The following ANAPC5 variants were observed in gnomAD, a reference collection of about 807,000 sequenced individuals.
The protein encoded by ANAPC5 is anaphase promoting complex subunit 5.
ANAPC5 carries 60 observed loss-of-function variants against 91.3 expected under a neutral mutation model. The ratio of observed to expected loss-of-function variants is 0.66; its 90% CI spans 0.53 to 0.81. The LOEUF is 0.81. Ranked by LOEUF, ANAPC5 falls within the 40% of genes least tolerant of loss-of-function variation. The pLI, the probability that ANAPC5 is intolerant of heterozygous loss-of-function variation, is 0.00. For synonymous variants in ANAPC5, 340 were observed against 364.1 expected (o/e 0.93, Z 0.75); for missense variants, 690 against 931.5 (o/e 0.74, Z 3.37).
intron 1 of ANAPC5, among the ~76,000 whole-genome samples, chr12:121,349,063 G>A (rs567901250): frequency 7.2e-5 from 11 of 152,176 alleles, no homozygotes; most frequent in South Asian, 6.2e-4. Context: ...TCAGGAGTTC[G>A]AGACCAGCCT....
At chr12:121,351,107 C>T (rs1192171363) in intron 1 of ANAPC5, 2 of 450,972 alleles carry the variant, frequency 4.4e-6, no homozygotes, top group Non-Finnish European at 8.9e-6. Context: ...CGCAGTGGCT[C>T]ACTCCTGTAA....
At chr12:121,349,148 C>T (rs1287951635) in intron 1 of ANAPC5, among the ~76,000 whole-genome samples, 2 of 152,170 alleles carry the variant, frequency 1.3e-5, no homozygotes, top group African/African-American at 2.4e-5. Flanking sequence ...ACGTTGGCCT[C>T]CCAAAGTCTA....
chr12:121,350,537 C>T (rs367701247), intron 1 of ANAPC5, among the ~76,000 whole-genome samples: 195 of 152,252 alleles, frequency 1.3e-3, no homozygotes, highest in East Asian at 0.013. Context: ...AAAAATTAGC[C>T]GGGCGTGGTG....
At chr12:121,327,809 A>C in intron 10 of ANAPC5, 1 of 157,612 alleles carries the variant, frequency 6.3e-6, no homozygotes, top group Non-Finnish European at 1.4e-5. Flanking sequence ...AGTACACAAT[A>C]AGATGAAAAT....
chr12:121,323,392 T>C lies in ANAPC5; in HGVS notation c.1441-2933A>G, dbSNP rs117963325. Among the ~76,000 whole-genome samples, 1,090 of 152,178 alleles carry C rather than the reference T, an allele frequency of 7.2e-3. 7 individuals carry two copies. The highest frequency in any genetic ancestry group is 0.012 in the Non-Finnish European group (810 of 67,996). On this transcript the variant is annotated intron_variant, in intron 11 of 16. Coordinates refer to ENST00000261819, the MANE Select transcript of ANAPC5 (RefSeq NM_016237.5). Reference sequence around the variant, plus strand: ...CAGGCTGGAGTGTAGTGGTGCAATCTCAGCTCATTGCAACCTCTACCTCCT... The same window carrying C: ...CAGGCTGGAGTGTAGTGGTGCAATCCCAGCTCATTGCAACCTCTACCTCCT...
At chr12:121,353,943 C>T (rs1903995226), upstream of ANAPC5, among the ~76,000 whole-genome samples, 1 of 151,252 alleles carries the variant, frequency 6.6e-6, no homozygotes, top group South Asian at 2.1e-4. Flanking sequence ...CTCAGCCTCA[C>T]GAGTAGTTGA....
At chr12:121,329,209 A>G (rs1349647520) in intron 9 of ANAPC5, 2 of 152,284 alleles carry the variant, frequency 1.3e-5, no homozygotes, top group East Asian at 1.9e-4. Context: ...GCTGGAGTGC[A>G]GTGCAGCAAT....
intron 1 of ANAPC5, chr12:121,350,977 AAC>A: frequency 8.0e-6 from 3 of 374,582 alleles, no homozygotes; most frequent in Non-Finnish European, 1.6e-5. Flanking sequence ...ACATGCTAGT[AAC>A]AGTTTCTACT....
At chr12:121,330,150 A>AT (rs1306391236) in intron 9 of ANAPC5, among the ~76,000 whole-genome samples, 76 of 150,256 alleles carry the variant, frequency 5.1e-4, no homozygotes, top group African/African-American at 1.6e-3. Context: ...TCTGTTGTTG[A>AT]TTTTTTTTTT....
intron 5 of ANAPC5, among the ~76,000 whole-genome samples, chr12:121,339,994 AG>A (rs1903385106): frequency 6.8e-6 from 1 of 147,218 alleles, no homozygotes; most frequent in African/African-American, 2.5e-5. Context: ...CTCCTGCCTC[AG>A]CCTCTGAAGT....
intron 3 of ANAPC5, chr12:121,346,315 G>T: frequency 3.6e-6 from 1 of 274,910 alleles, no homozygotes. Flanking sequence ...ATATTTATGT[G>T]TTTACTTTTA....
chr12:121,350,287 A>T (rs1555275151), intron 1 of ANAPC5, among the ~76,000 whole-genome samples: 1 of 152,170 alleles, frequency 6.6e-6, no homozygotes. Context: ...ATCTTTTAAG[A>T]TCCCATAATA....
At chr12:121,327,404 G>A (rs2136781705) in intron 10 of ANAPC5, 173 bp from the exon 11 acceptor site, 1 of 714,296 alleles carries the variant, frequency 1.4e-6, no homozygotes, top group African/African-American at 1.8e-5. Flanking sequence ...GATAAGAAAG[G>A]CAGAAAAGCA....
chr12:121,346,939 A>G lies in ANAPC5; in HGVS notation c.354T>C (p.Ser118=), dbSNP rs1231936983. ...MEQFFDDLSD[S]FSGTEPEVHK... ...GAACCTCTGGTTCAGTTCCAGAGAA[A>G]GAATCTGAAAGGTCATCAAAAAACT... is the stretch of plus-strand genomic sequence containing the variant. The change falls in exon 3 of 17, where the codon TCT becomes TCC. Residue 118 remains serine, a synonymous_variant. Transcript: ENST00000261819. 1.2e-6 allele frequency: 2 copies of G among 1,612,352 alleles called. No individual in the cohort carries two copies. The highest frequency in any genetic ancestry group is 1.1e-5 in the South Asian group (1 of 90,664).
At position 121,328,637 on chromosome 12, in the gene ANAPC5, G is replaced by T. The variant is rs943956957; in HGVS notation, c.1123-140C>A. 10 of 761,532 alleles carry T rather than the reference G, an allele frequency of 1.3e-5. No individual in the cohort carries two copies. The Admixed American group carries it at 2.2e-4, about 16-fold the overall frequency. The allele number at this position is 761,532 out of a possible 1,614,324, so 47.2% of individuals were successfully genotyped here. A position where few individuals can be genotyped will look rare whatever the true frequency, so the allele number is the denominator to read the frequency against. On this transcript the variant is annotated intron_variant, in intron 9 of 16. Transcript: ENST00000261819. ...TTTAAAAGGAAAGTACCTATAACCT[G>T]GCCTTAACCCTGAGCCATACGAGAT...
chr12:121,327,306 CT>C, intron 10 of ANAPC5, 75 bp from the exon 11 acceptor site: 1 of 1,570,880 alleles, frequency 6.4e-7, no homozygotes, highest in Non-Finnish European at 8.6e-7. Flanking sequence ...CGTCAGCTAT[CT>C]TGAGTGGAGG....
chr12:121,341,376 A>G (rs868955212), intron 5 of ANAPC5, among the ~76,000 whole-genome samples: 28 of 151,876 alleles, frequency 1.8e-4, no homozygotes, highest in African/African-American at 5.8e-4. Flanking sequence ...AGTCTGATGC[A>G]TAAGAATAGC....
rs371336108 is a variant in ANAPC5 at position 121,318,270 on chromosome 12, G to A, written c.1893+7C>T. The A allele has an allele frequency of 1.1e-4, 161 of 1,516,236 alleles. No individual in the cohort carries two copies. In the African/African-American group the frequency reaches 1.7e-3, roughly 16 times the overall value. 93.9% of individuals were successfully genotyped at this position (1,516,236 alleles called of 1,614,324 possible). A position where few individuals can be genotyped will look rare whatever the true frequency, so the allele number is the denominator to read the frequency against. ...AATATGTGCTATAAAAACAGAGATC[G>A]GCTTACCTGCGCAAAAGCCAAGTTC... is the stretch of plus-strand genomic sequence containing the variant. On this transcript the variant is annotated splice_region_variant and intron_variant, in intron 15 of 16. Transcript: ENST00000261819.
chr12:121,320,810 A>C lies in ANAPC5; in HGVS notation c.1441-351T>G, dbSNP rs187956876. ...AGTAGAGACGGGGTTTCACTGTGTT[A>C]GCCAGGATGGTCTCGATCTCCTGAC... On this transcript the variant is annotated intron_variant, in intron 11 of 16. Transcript: ENST00000261819. 1,434 of 165,692 alleles carry C rather than the reference A, an allele frequency of 8.7e-3. 15 individuals are homozygous for C. Among genetic ancestry groups the C allele is most frequent in the African/African-American group, 0.032 (1,348 of 41,914 alleles). The allele number at this position is 165,692 out of a possible 1,614,324, so 10.3% of individuals were successfully genotyped here. A position where few individuals can be genotyped will look rare whatever the true frequency, so the allele number is the denominator to read the frequency against.
Sources: allele counts gnomAD v4.1 joint callset (sites outside exome capture counted in the v4.1 genomes callset), GRCh38; gene constraint gnomAD v4.1.1; transcripts MANE v1.5; gene names NCBI Gene and HGNC (gene_info 2026-07-23, HGNC 2026-07-21).